Variants in FAM81B observed in about 807,000 individuals in gnomAD.
FAM81B encodes the protein protein FAM81B.
In FAM81B, 60 loss-of-function variants were observed where a neutral mutation model predicts 58.7. The observed-to-expected ratio is 1.02, with a 90% confidence interval of 0.83 to 1.27. FAM81B has a LOEUF of 1.27. Among genes scored for constraint, FAM81B ranks in the 50% most tolerant of loss-of-function variants. The pLI is 0.00. For synonymous variants in FAM81B, 189 were observed against 179.6 expected (o/e 1.05, Z -0.42); for missense variants, 491 against 522.0 (o/e 0.94, Z 0.58).
intron 4 of FAM81B, among the ~76,000 whole-genome samples, chr5:95,417,166 T>C (rs370755235): frequency 5.1e-4 from 78 of 152,372 alleles, no homozygotes; most frequent in African/African-American, 1.8e-3. Flanking sequence ...AAGCTCTTGA[T>C]ACATGTTGCC....
intron 5 of FAM81B, among the ~76,000 whole-genome samples, chr5:95,421,501 A>C (rs947455468): frequency 7.9e-5 from 12 of 152,216 alleles, no homozygotes; most frequent in African/African-American, 2.9e-4. Context: ...CATTTTGAGA[A>C]AGTTGGGACA....
In FAM81B at chr5:95,396,096, T is replaced by C; in HGVS notation, c.229-15T>C. 1 of 1,595,674 alleles carries C rather than the reference T, an allele frequency of 6.3e-7. No homozygotes were observed. The highest frequency in any genetic ancestry group is 8.6e-7 in the Non-Finnish European group (1 of 1,168,094). Reference sequence around the variant, plus strand: ...AAGCAGATGATATATTCTGAATCTGTAACCTTTGTTTTAGGTAAGATTATC... The same window carrying C: ...AAGCAGATGATATATTCTGAATCTGCAACCTTTGTTTTAGGTAAGATTATC... On this transcript the variant is annotated splice_polypyrimidine_tract_variant and intron_variant, in intron 2 of 9. Transcript: ENST00000283357.
chr5:95,443,071 C>T (rs6556871), intron 7 of FAM81B, among the ~76,000 whole-genome samples: 60,200 of 152,040 alleles, frequency 0.4, 16,489 homozygotes, highest in African/African-American at 0.78. Flanking sequence ...GTTCATTCAA[C>T]AGATTTTTTT....
At chr5:95,433,137 G>A (rs1213135187) in intron 6 of FAM81B, among the ~76,000 whole-genome samples, 1 of 152,084 alleles carries the variant, frequency 6.6e-6, no homozygotes, top group Non-Finnish European at 1.5e-5. Flanking sequence ...GTATTAGTCT[G>A]TTCTCACACT....
At chr5:95,398,402 G>C (rs191270133) in intron 3 of FAM81B, among the ~76,000 whole-genome samples, 2 of 150,098 alleles carry the variant, frequency 1.3e-5, no homozygotes, top group African/African-American at 4.9e-5. Flanking sequence ...CTGGGTCACA[G>C]AGTGAAACTC....
At chr5:95,438,031 G>A (rs180775572) in intron 7 of FAM81B, among the ~76,000 whole-genome samples, 70 of 152,126 alleles carry the variant, frequency 4.6e-4, no homozygotes, top group African/African-American at 1.7e-3. Context: ...TTTTGTACCT[G>A]TAAGACATGA....
chr5:95,420,243 T>G (rs754571847), intron 4 of FAM81B, 41 bp from the exon 5 acceptor site: 2 of 1,610,770 alleles, frequency 1.2e-6, no homozygotes, highest in Non-Finnish European at 1.7e-6. Flanking sequence ...CCTTATCATG[T>G]GTGATGGGAA....
rs80183522 is a variant in FAM81B at position 95,438,008 on chromosome 5, T to C, written c.893+1102T>C. On this transcript the variant is annotated intron_variant, in intron 7 of 9. Transcript: ENST00000283357. ...AATCTAAGTGCCATTGAATATAACA[T>C]GCACCATTATAATTTTGTACCTGTA... Among the ~76,000 whole-genome samples, 273 of 152,324 alleles carry C rather than the reference T, an allele frequency of 1.8e-3. 10 individuals carry two copies. In the East Asian group the frequency reaches 0.049, roughly 27 times the overall value.
chr5:95,393,035 G>T, intron 2 of FAM81B, 138 bp downstream of exon 2: 1 of 722,698 alleles, frequency 1.4e-6, no homozygotes, highest in Non-Finnish European at 2.1e-6. Context: ...TTGGCAAAAT[G>T]GCTGCTGAAA....
At chr5:95,421,232 C>T (rs186432302) in intron 5 of FAM81B, among the ~76,000 whole-genome samples, 2 of 152,308 alleles carry the variant, frequency 1.3e-5, no homozygotes, top group East Asian at 3.9e-4. Context: ...ATAACCAATA[C>T]AGTGAATGCT....
intron 7 of FAM81B, among the ~76,000 whole-genome samples, chr5:95,442,755 GA>G: frequency 6.6e-6 from 1 of 152,288 alleles, no homozygotes; most frequent in East Asian, 1.9e-4. Flanking sequence ...ATAACATTAA[GA>G]AGAAATTAGT....
In FAM81B at chr5:95,428,662, G is replaced by T; in HGVS notation, c.716G>T (p.Arg239Leu). The T allele has an allele frequency of 1.2e-6, 2 of 1,613,918 alleles. No homozygotes were observed. Among genetic ancestry groups the T allele is most frequent in the Non-Finnish European group, 1.7e-6 (2 of 1,179,858 alleles). Reference protein sequence around the residue: ...GDIHLFRQEHRQIEKAIQEFV... With the variant: ...GDIHLFRQEHLQIEKAIQEFV... ...ATTCACTTATTCAGGCAAGAGCACC[G>T]GCAAATTGAGAAAGCCATTCAAGAA... Residue 239 changes from arginine to leucine, a missense_variant, in exon 6 of 10, where the codon CGG (arginine) becomes CTG (leucine). Physicochemically the swap from Arg to Leu is moderately radical, Grantham distance 102. Coordinates refer to ENST00000283357, the MANE Select transcript of FAM81B (RefSeq NM_152548.3).
intron 7 of FAM81B, among the ~76,000 whole-genome samples, chr5:95,443,677 A>C (rs1745449338): frequency 6.6e-6 from 1 of 152,232 alleles, no homozygotes; most frequent in Admixed American, 6.5e-5. Context: ...CTTATTCTTT[A>C]CATCTCTCAA....
chr5:95,430,465 T>G (rs1422239471), intron 6 of FAM81B, among the ~76,000 whole-genome samples: 3 of 151,564 alleles, frequency 2.0e-5, no homozygotes, highest in Middle Eastern at 3.4e-3. Context: ...AAATATATCC[T>G]GAACATCTTT....
intron 5 of FAM81B, among the ~76,000 whole-genome samples, chr5:95,421,247 T>C (rs2152765028): frequency 6.6e-6 from 1 of 152,294 alleles, no homozygotes; most frequent in South Asian, 2.1e-4. Flanking sequence ...AATGCTGTAC[T>C]AAAAGTCTGG....
intron 1 of FAM81B, 37 bp downstream of exon 1, chr5:95,391,550 T>A: frequency 6.4e-7 from 1 of 1,569,934 alleles, no homozygotes; most frequent in Middle Eastern, 1.8e-4. Flanking sequence ...AAATTTCTCC[T>A]ACTTCACTAT....
rs1413701501 is a variant in FAM81B at position 95,392,817 on chromosome 5, T to C, written c.148T>C (p.Ser50Pro). The change falls in exon 2 of 10, where the codon TCT (serine) becomes CCT (proline). Residue 50 changes from serine to proline, a missense_variant. Coordinates refer to ENST00000283357, the MANE Select transcript of FAM81B (RefSeq NM_152548.3). ...AGATACAAATGTAAACAAAAGTGCC[T>C]CTCCAACTGCGACTGCAGAGGAACA... ...SSDTNVNKSA[S>P]PTATAEEQPV... 1.9e-6 allele frequency: 3 copies of C among 1,611,258 alleles called. No homozygotes were observed. Among genetic ancestry groups the C allele is most frequent in the South Asian group, 2.2e-5 (2 of 90,414 alleles).
chr5:95,436,336 T>C (rs1431758752), intron 6 of FAM81B, among the ~76,000 whole-genome samples: 2 of 152,254 alleles, frequency 1.3e-5, no homozygotes, highest in East Asian at 1.9e-4. Context: ...CAGAGCCTGA[T>C]TGTGCATTTA....
chr5:95,436,703 A>G (rs1745113812), intron 6 of FAM81B, 97 bp from the exon 7 acceptor site: 1 of 816,210 alleles, frequency 1.2e-6, no homozygotes, highest in African/African-American at 1.7e-5. Context: ...AATAAAGTAT[A>G]TTAATCTGTT....
Sources: gnomAD v4.1 joint callset for allele counts (sites outside exome capture counted in the v4.1 genomes callset) on GRCh38, gnomAD v4.1.1 for gene constraint, MANE v1.5 for transcripts, NCBI Gene and HGNC (gene_info 2026-07-23, HGNC 2026-07-21) for gene names.